RORB: variants seen among roughly 807,000 people sequenced by gnomAD.
RORB encodes nuclear receptor ROR-beta.
Under a neutral mutation model 59.1 loss-of-function variants are expected in RORB, and 6 were observed. The ratio of observed to expected loss-of-function variants is 0.10; its 90% CI spans 0.06 to 0.20. The LOEUF (loss-of-function observed/expected upper bound fraction) is 0.20. Ranked by LOEUF, RORB falls within the 10% of genes least tolerant of loss-of-function variation. The pLI is 1.00. For missense variants in RORB, 320 were observed against 560.5 expected (o/e 0.57, Z 4.33); for synonymous variants, 215 against 204.5 (o/e 1.05, Z -0.44).
In RORB at chr9:74,639,959, A is replaced by G. The variant is rs186863264; in HGVS notation, c.236-2455A>G. ...TTACTGTAGAATTCGGTACATAGAC[A>G]AACTGGAAATGTCACTGCAATTAGT... is the stretch of plus-strand genomic sequence containing the variant. On this transcript the variant is annotated intron_variant, in intron 3 of 9. Coordinates refer to ENST00000376896, the MANE Select transcript of RORB (RefSeq NM_006914.4). Among the ~76,000 whole-genome samples the G allele has an allele frequency of 2.1e-3, 321 of 152,348 alleles. 1 individual carries two copies. The highest frequency in any genetic ancestry group is 7.1e-3 in the African/African-American group (297 of 41,572).
chr9:74,564,382 C>T (rs1386339241), intron 1 of RORB, among the ~76,000 whole-genome samples: 3 of 152,218 alleles, frequency 2.0e-5, no homozygotes. Context: ...GTAATAATGC[C>T]TATGCCTCTG....
intron 8 of RORB, 33 bp downstream of exon 8, chr9:74,667,934 A>G (rs1285382952): frequency 3.6e-6 from 5 of 1,401,428 alleles, no homozygotes; most frequent in East Asian, 2.3e-5. Context: ...ACCTTTTTAA[A>G]AAACTTGTTT....
intron 1 of RORB, among the ~76,000 whole-genome samples, chr9:74,607,303 G>A (rs188832405): frequency 6.6e-6 from 1 of 152,252 alleles, no homozygotes; most frequent in Admixed American, 6.5e-5. Flanking sequence ...TCCACTCAGG[G>A]AAATGACTTC....
chr9:74,648,241 TCA>T (rs541510930), intron 4 of RORB, among the ~76,000 whole-genome samples: 1 of 152,276 alleles, frequency 6.6e-6, no homozygotes, highest in South Asian at 2.1e-4. Context: ...AACCCCTCTC[TCA>T]CCCCCACCCC....
Position 74,593,194 on chromosome 9 carries a change from C to T in RORB, c.8-37088C>T, listed in dbSNP as rs138922793. Among the ~76,000 whole-genome samples, 689 of 152,146 alleles carry T rather than the reference C, an allele frequency of 4.5e-3. 6 individuals carry two copies. The highest frequency in any genetic ancestry group is 0.014 in the African/African-American group (597 of 41,508). Reference sequence around the variant, plus strand: ...AAACAGAAGAGGAAGAGGCCGGGCGCGGTGGCACACACCTATAATCCCAGC... The same window carrying T: ...AAACAGAAGAGGAAGAGGCCGGGCGTGGTGGCACACACCTATAATCCCAGC... On this transcript the variant is annotated intron_variant, in intron 1 of 9. Transcript: ENST00000376896.
Position 74,642,744 on chromosome 9 carries a change from T to A in RORB, c.566T>A (p.Val189Glu). 6.2e-7 allele frequency: 1 copy of A among 1,614,058 alleles called. No homozygotes were observed. The highest frequency in any genetic ancestry group is 8.5e-7 in the Non-Finnish European group (1 of 1,179,958). Reference sequence around the variant, plus strand: ...GAACCTATCTATGACCTCACATCCGTACCCAACTTGTTTACCTATAGCTCT... The same window carrying A: ...GAACCTATCTATGACCTCACATCCGAACCCAACTTGTTTACCTATAGCTCT... ...KQEPIYDLTS[V>E]PNLFTYSSFN... Residue 189 changes from valine (V) to glutamate (E), a missense_variant, in exon 4 of 10, where the codon GTA becomes GAA. Coordinates refer to ENST00000376896, the MANE Select transcript of RORB (RefSeq NM_006914.4).
intron 1 of RORB, among the ~76,000 whole-genome samples, chr9:74,541,117 C>T (rs2118133834): frequency 6.6e-6 from 1 of 151,752 alleles, no homozygotes; most frequent in East Asian, 1.9e-4. Flanking sequence ...CCTGTCTCTA[C>T]TAAAAATATA....
chr9:74,546,178 T>G (rs1826486646), intron 1 of RORB, among the ~76,000 whole-genome samples: 3 of 152,036 alleles, frequency 2.0e-5, no homozygotes, highest in African/African-American at 7.2e-5. Flanking sequence ...AAGCAAAAAA[T>G]GATTTGATTT....
chr9:74,655,167 T>C (rs199870523), intron 4 of RORB, among the ~76,000 whole-genome samples: 1 of 152,198 alleles, frequency 6.6e-6, no homozygotes, highest in African/African-American at 2.4e-5. Context: ...TGAACACATG[T>C]AGGGAATCTT....
At chr9:74,671,619 T>A (rs1824346884) in intron 8 of RORB, among the ~76,000 whole-genome samples, 170 bp from the exon 9 acceptor site, 1 of 152,188 alleles carries the variant, frequency 6.6e-6, no homozygotes, top group African/African-American at 2.4e-5. Flanking sequence ...ATTCCTGGCA[T>A]CATGGTATTG....
chr9:74,580,725 C>A (rs1247086464), intron 1 of RORB, among the ~76,000 whole-genome samples: 1 of 152,090 alleles, frequency 6.6e-6, no homozygotes, highest in African/African-American at 2.4e-5. Context: ...CAGAAATCAG[C>A]CCAAACAGGT....
intron 1 of RORB, among the ~76,000 whole-genome samples, chr9:74,533,738 T>C (rs1287853872): frequency 6.6e-6 from 1 of 152,084 alleles, no homozygotes; most frequent in Admixed American, 6.6e-5. Flanking sequence ...GTAGTTATGA[T>C]TCCTTAATTA....
At chr9:74,645,347 A>ACAGTAT (rs2118470090) in intron 4 of RORB, among the ~76,000 whole-genome samples, 1 of 152,288 alleles carries the variant, frequency 6.6e-6, no homozygotes, top group East Asian at 1.9e-4. Flanking sequence ...TAAATCCTTG[A>ACAGTAT]CAGTATCACT....
intron 1 of RORB, among the ~76,000 whole-genome samples, chr9:74,576,559 G>T (rs1822638569): frequency 6.6e-6 from 1 of 152,032 alleles, no homozygotes; most frequent in Admixed American, 6.6e-5. Flanking sequence ...TGATTATAAT[G>T]CAAACAATTT....
chr9:74,510,346 A>G (rs1226289720), intron 1 of RORB, among the ~76,000 whole-genome samples: 1 of 152,188 alleles, frequency 6.6e-6, no homozygotes, highest in Non-Finnish European at 1.5e-5. Context: ...TACAGCATGT[A>G]AAATATCTTC....
At chr9:74,498,549 T>C (rs1328990340) in intron 1 of RORB, 1 of 152,464 alleles carries the variant, frequency 6.6e-6, no homozygotes, top group South Asian at 2.1e-4. Context: ...AGGAAACAGT[T>C]AGTTCCCCGG....
chr9:74,689,725 T>C lies in RORB; in HGVS notation c.*4107T>C, dbSNP rs1181357283. 2 of 152,200 alleles carry C rather than the reference T, an allele frequency of 1.3e-5. No homozygotes were observed. The highest frequency in any genetic ancestry group is 2.9e-5 in the Non-Finnish European group (2 of 68,044). The allele number at this position is 152,200 out of a possible 1,614,324, so 9.4% of individuals were successfully genotyped here. A position where few individuals can be genotyped will look rare whatever the true frequency, so the allele number is the denominator to read the frequency against. ...AAGCTAAACTGTTTGTAGAAAACCA[T>C]GAAGATCAACTCATGCTCACTCTCT... On this transcript the variant is annotated 3_prime_UTR_variant, in exon 10 of 10. Coordinates refer to ENST00000376896, the MANE Select transcript of RORB (RefSeq NM_006914.4).
chr9:74,630,516 G>C, intron 2 of RORB, 149 bp downstream of exon 2: 1 of 522,760 alleles, frequency 1.9e-6, no homozygotes, highest in Non-Finnish European at 3.3e-6. Flanking sequence ...GTGGGTGGGA[G>C]GGTTGATTTT....
At chr9:74,603,163 C>G (rs1032578306) in intron 1 of RORB, among the ~76,000 whole-genome samples, 2 of 152,128 alleles carry the variant, frequency 1.3e-5, no homozygotes, top group East Asian at 3.9e-4. Flanking sequence ...GTACTCAACC[C>G]CAAAACATGC....
Sources: gnomAD v4.1 joint callset for allele counts (sites outside exome capture counted in the v4.1 genomes callset) on GRCh38, gnomAD v4.1.1 for gene constraint, MANE v1.5 for transcripts, NCBI Gene and HGNC (gene_info 2026-07-23, HGNC 2026-07-21) for gene names.